AP1S2: variants seen among roughly 807,000 people sequenced by gnomAD.
AP1S2 encodes the protein adaptor related protein complex 1 subunit sigma 2.
In AP1S2, 1 loss-of-function variant was observed where a neutral mutation model predicts 14.3. The observed-to-expected ratio is 0.07, with a 90% CI of 0.02 to 0.33. The LOEUF is 0.33. Ranked by LOEUF, AP1S2 falls within the 10% of genes least tolerant of loss-of-function variation. The pLI is 0.99. For synonymous variants in AP1S2, 30 were observed against 40.5 expected, an observed-to-expected ratio of 0.74 and a Z score of 0.99; for missense variants, 30 against 117.7, an observed-to-expected ratio of 0.25 and a Z score of 3.45.
intron 3 of AP1S2, 89 bp downstream of exon 3, chrX:15,845,814 C>A: frequency 2.4e-6 from 2 of 846,450 alleles, no homozygotes; most frequent in Non-Finnish European, 3.5e-6. Flanking sequence ...CGGTTAGAAT[C>A]CCCAAGACAA....
At chrX:15,852,908 G>A in intron 1 of AP1S2, 1 of 739,102 alleles carries the variant, frequency 1.4e-6, no homozygotes, top group Non-Finnish European at 1.6e-6. Context: ...GACATCATCT[G>A]GTTTGGGTAC....
At chrX:15,851,881 CAT>C (rs1232034265) in intron 2 of AP1S2, among the ~76,000 whole-genome samples, 2 of 112,169 alleles carry the variant, frequency 1.8e-5, no homozygotes, top group African/African-American at 6.5e-5. Context: ...AAATAGTCTA[CAT>C]AGTCAAGGTA....
chrX:15,840,563 G>A, intron 4 of AP1S2: 1 of 979,725 alleles, frequency 1.0e-6, no homozygotes, highest in African/African-American at 2.0e-5. Context: ...GATATCCTCA[G>A]ACAAACCTCC....
intron 4 of AP1S2, chrX:15,831,572 C>T (rs1397387301): frequency 1.3e-6 from 1 of 750,019 alleles, no homozygotes; most frequent in East Asian, 1.2e-4. Context: ...GACGTGGCTA[C>T]AAAAGAAATG....
At chrX:15,833,826 GAGTAAAGTCTGTCAT>G (rs1220909066) in intron 4 of AP1S2, among the ~76,000 whole-genome samples, 1 of 111,627 alleles carries the variant, frequency 9.0e-6, no homozygotes, top group Non-Finnish European at 1.9e-5. Flanking sequence ...GGGAGGGTGA[GAGTAAAGTCTGTCAT>G]AGCACACAAG....
chrX:15,835,470 T>C (rs759980857), intron 4 of AP1S2, among the ~76,000 whole-genome samples: 4 of 112,124 alleles, frequency 3.6e-5, no homozygotes, highest in Non-Finnish European at 7.5e-5. Context: ...CACTACGATC[T>C]ATTTTGAGCA....
intron 4 of AP1S2, chrX:15,830,323 T>C (rs1301697315): frequency 1.2e-5 from 9 of 752,126 alleles, no homozygotes; most frequent in African/African-American, 4.6e-5. Flanking sequence ...TTCCAATATA[T>C]AATGCTAAAT....
intron 2 of AP1S2, among the ~76,000 whole-genome samples, chrX:15,848,449 C>T (rs1004015316): frequency 9.0e-6 from 1 of 111,525 alleles, no homozygotes; most frequent in Non-Finnish European, 1.9e-5. Flanking sequence ...AAACTATAGC[C>T]AGCAATTGCA....
rs749881573 is a variant in AP1S2 at position 15,827,297 on chromosome X, A to G, written c.*28T>C. 2 of 1,182,159 alleles carry G rather than the reference A, an allele frequency of 1.7e-6. No homozygotes were observed. Among genetic ancestry groups the G allele is most frequent in the Non-Finnish European group, 2.3e-6 (2 of 868,449 alleles). On this transcript the variant is annotated 3_prime_UTR_variant, in exon 6 of 6. Transcript: ENST00000672987. ...GACCATCTACAGTGTGTGAAATGCC[A>G]CAAGAAGTCATCAACAAGGGAGGAG...
At chrX:15,830,345 T>C (rs1341762351) in intron 4 of AP1S2, 16 of 752,164 alleles carry the variant, frequency 2.1e-5, no homozygotes, top group Admixed American at 1.8e-4. Context: ...TCCCACCTGA[T>C]TGATAGCACA....
chrX:15,827,165 C>A lies in AP1S2; in HGVS notation c.*160G>T. 1 of 520,730 alleles carries A rather than the reference C, an allele frequency of 1.9e-6. No homozygotes were observed. The highest frequency in any genetic ancestry group is 3.4e-6 in the Non-Finnish European group (1 of 291,199). 42.9% of individuals were successfully genotyped at this position (520,730 alleles called of 1,213,427 possible). ...CCTTATCACTTAATTAACTAAAGTTCCCTTTTAAAAAAAAATTGTGTAGGC... is the reference window on the plus strand; with the variant it reads ...CCTTATCACTTAATTAACTAAAGTTACCTTTTAAAAAAAAATTGTGTAGGC... On this transcript the variant is annotated 3_prime_UTR_variant, in exon 6 of 6. Coordinates refer to ENST00000672987, the MANE Select transcript of AP1S2 (RefSeq NM_001272071.2).
chrX:15,840,982 A>C (rs1933813043), intron 4 of AP1S2, among the ~76,000 whole-genome samples: 1 of 112,468 alleles, frequency 8.9e-6, no homozygotes. Flanking sequence ...TAGAAATGTC[A>C]AAACTAATCC....
chrX:15,838,914 A>G (rs1291894997), intron 4 of AP1S2, among the ~76,000 whole-genome samples: 3 of 109,872 alleles, frequency 2.7e-5, no homozygotes, highest in Non-Finnish European at 3.8e-5. Context: ...CGCCCAGCTA[A>G]TTTTTGTATT....
intron 4 of AP1S2, chrX:15,830,561 T>A (rs1472567766): frequency 1.5e-6 from 1 of 663,724 alleles, no homozygotes; most frequent in Non-Finnish European, 1.8e-6. Context: ...AACAATGAAT[T>A]CTTTTCCTTT....
At chrX:15,833,067 A>C in intron 4 of AP1S2, 1 of 1,062,219 alleles carries the variant, frequency 9.4e-7, no homozygotes. Flanking sequence ...AAATAATACC[A>C]ATCTGTCAAA....
At chrX:15,852,220 C>T (rs1241773483) in intron 2 of AP1S2, 126 bp downstream of exon 2, 4 of 652,204 alleles carry the variant, frequency 6.1e-6, no homozygotes, top group African/African-American at 2.2e-5. Context: ...CAAAGCTTTA[C>T]CTTAAACCTA....
intron 4 of AP1S2, among the ~76,000 whole-genome samples, chrX:15,844,095 C>T (rs1933923285): frequency 8.9e-6 from 1 of 112,221 alleles, no homozygotes; most frequent in South Asian, 3.7e-4. Context: ...AATGCATTGT[C>T]TCACATTTAG....
chrX:15,850,550 C>CG (rs1934146237), intron 2 of AP1S2, among the ~76,000 whole-genome samples: 2 of 106,020 alleles, frequency 1.9e-5, no homozygotes, highest in Admixed American at 1.0e-4. Context: ...GTAGAGACGG[C>CG]GGGGTCTCAC....
intron 4 of AP1S2, among the ~76,000 whole-genome samples, chrX:15,843,874 A>C (rs943380020): frequency 2.7e-5 from 3 of 112,218 alleles, no homozygotes; most frequent in Admixed American, 1.9e-4. Context: ...GTATATGCTT[A>C]TAGTCAGCGC....
Sources: allele counts gnomAD v4.1 joint callset (sites outside exome capture counted in the v4.1 genomes callset), GRCh38; gene constraint gnomAD v4.1.1; transcripts MANE v1.5; gene names NCBI Gene and HGNC (gene_info 2026-07-23, HGNC 2026-07-21).